DOCK3: variants seen among roughly 807,000 people sequenced by gnomAD.
The protein encoded by DOCK3 is dedicator of cytokinesis 3.
A neutral mutation model predicts 265.6 loss-of-function variants in DOCK3; 60 were observed. That is an observed-to-expected ratio of 0.23 (90% CI 0.18 to 0.28). DOCK3 has a LOEUF of 0.28. Ranked by LOEUF, DOCK3 falls within the 10% of genes least tolerant of loss-of-function variation. The pLI is 1.00. For missense variants in DOCK3, 1,981 were observed against 2,594.3 expected (o/e 0.76, Z 5.14); for synonymous variants, 881 against 938.0 (o/e 0.94, Z 1.11).
Position 50,735,937 on chromosome 3 carries a change from C to T in DOCK3, c.38-42738C>T, listed in dbSNP as rs112788474. Among the ~76,000 whole-genome samples the T allele has an allele frequency of 3.0e-4, 46 of 152,186 alleles. 2 individuals are homozygous for T. The highest frequency in any genetic ancestry group is 5.1e-4 in the Non-Finnish European group (35 of 68,016). ...TAATTATACTTTAAGTTCTAGGGTA[C>T]GTGTACACAACGTGCAGGTTTGTTA... On this transcript the variant is annotated intron_variant, in intron 1 of 52. Transcript: ENST00000266037.
chr3:51,104,982 T>C (rs1312327021), intron 9 of DOCK3, among the ~76,000 whole-genome samples: 2 of 152,010 alleles, frequency 1.3e-5, no homozygotes, highest in African/African-American at 4.8e-5. Context: ...TTCCTGAGGG[T>C]TAGGAAAAGT....
chr3:50,803,460 C>A (rs1455648688), intron 2 of DOCK3, among the ~76,000 whole-genome samples: 3 of 152,122 alleles, frequency 2.0e-5, no homozygotes, highest in Non-Finnish European at 4.4e-5. Flanking sequence ...ATGGAGTCTC[C>A]CATGTCTACT....
At chr3:51,345,326 T>G (rs1378800007) in intron 38 of DOCK3, among the ~76,000 whole-genome samples, 2 of 152,216 alleles carry the variant, frequency 1.3e-5, no homozygotes, top group Admixed American at 6.5e-5. Flanking sequence ...GAAATTCTGT[T>G]TGGCTGGGCA....
intron 49 of DOCK3, among the ~76,000 whole-genome samples, chr3:51,373,052 A>C (rs750130253): frequency 6.6e-6 from 1 of 152,238 alleles, no homozygotes; most frequent in Non-Finnish European, 1.5e-5. Flanking sequence ...ACTCAGACCA[A>C]CTGTGGAAAA....
chr3:51,031,971 A>G (rs2080067100), intron 5 of DOCK3, among the ~76,000 whole-genome samples: 1 of 152,224 alleles, frequency 6.6e-6, no homozygotes, highest in Non-Finnish European at 1.5e-5. Context: ...AGCTTCCAGA[A>G]TTGTGAAAAA....
At chr3:51,258,153 A>G (rs545661197) in intron 22 of DOCK3, among the ~76,000 whole-genome samples, 139 of 152,308 alleles carry the variant, frequency 9.1e-4, no homozygotes, top group African/African-American at 3.2e-3. Flanking sequence ...GAAACTGGTG[A>G]ATGTTTCATG....
chr3:51,098,251 T>G (rs953978774), intron 9 of DOCK3, among the ~76,000 whole-genome samples: 2 of 152,154 alleles, frequency 1.3e-5, no homozygotes, highest in African/African-American at 4.8e-5. Context: ...GAAATGGGGT[T>G]TCACCATGTT....
intron 1 of DOCK3, among the ~76,000 whole-genome samples, chr3:50,754,157 CAAA>C (rs71084110): frequency 6.5e-5 from 4 of 61,576 alleles, no homozygotes; most frequent in Non-Finnish European, 7.7e-5. Flanking sequence ...GACTCTGTCT[CAAA>C]AAAAAAAAAA....
At chr3:51,224,723 A>G (rs1393120525) in intron 14 of DOCK3, among the ~76,000 whole-genome samples, 1 of 149,530 alleles carries the variant, frequency 6.7e-6, no homozygotes, top group Non-Finnish European at 1.5e-5. Context: ...TGTTGCCCCC[A>G]CAGCGTTTTA....
At chr3:50,677,464 T>C (rs1368555466) in intron 1 of DOCK3, among the ~76,000 whole-genome samples, 1 of 152,234 alleles carries the variant, frequency 6.6e-6, no homozygotes, top group Non-Finnish European at 1.5e-5. Flanking sequence ...TTGATTGCTA[T>C]GAGGGCTAGC....
chr3:51,185,875 G>A (rs2087570387), intron 12 of DOCK3, among the ~76,000 whole-genome samples: 1 of 152,108 alleles, frequency 6.6e-6, no homozygotes, highest in Non-Finnish European at 1.5e-5. Flanking sequence ...TGATTGTGAG[G>A]CCTCCCCAGC....
chr3:51,089,777 C>T (rs1394658212), intron 8 of DOCK3, among the ~76,000 whole-genome samples: 1 of 151,120 alleles, frequency 6.6e-6, no homozygotes. Flanking sequence ...TGGTGGGTGC[C>T]TGTAATCCCA....
At chr3:51,159,327 A>G in intron 11 of DOCK3, 23 bp downstream of exon 11, 1 of 1,607,586 alleles carries the variant, frequency 6.2e-7, no homozygotes, top group Non-Finnish European at 8.5e-7. Context: ...TTACCCATTC[A>G]CATGACTAAG....
chr3:51,105,600 T>C (rs2083251277), intron 9 of DOCK3, among the ~76,000 whole-genome samples: 1 of 152,146 alleles, frequency 6.6e-6, no homozygotes, highest in East Asian at 1.9e-4. Flanking sequence ...AAGAATGAAG[T>C]ATTGATACAG....
rs547157870 is a variant in DOCK3, at chr3:50,921,829, C to A, written c.219-12152C>A. 2.0e-4 allele frequency among the ~76,000 whole-genome samples: 31 copies of A among 152,226 alleles called. No individual in the cohort carries two copies. The East Asian group carries it at 4.6e-3, about 23-fold the overall frequency. On this transcript the variant is annotated intron_variant, in intron 4 of 52. Coordinates refer to ENST00000266037, the MANE Select transcript of DOCK3 (RefSeq NM_004947.5). ...AGTTTGCTGGAGGTCCACTCCAGAC[C>A]CTGTTTGCCTGGGTATCACCAGCGG...
At chr3:50,808,526 C>T (rs910553011) in intron 2 of DOCK3, among the ~76,000 whole-genome samples, 1 of 152,136 alleles carries the variant, frequency 6.6e-6, no homozygotes, top group Non-Finnish European at 1.5e-5. Context: ...CAGAAATAGA[C>T]CCTGGAGAGC....
intron 12 of DOCK3, among the ~76,000 whole-genome samples, chr3:51,190,018 C>T (rs779788295): frequency 5.9e-5 from 9 of 152,284 alleles, no homozygotes; most frequent in Admixed American, 1.3e-4. Context: ...GCTTCACAAG[C>T]GCAAAGGCTT....
chr3:50,860,428 G>A (rs2046854911), intron 3 of DOCK3, among the ~76,000 whole-genome samples: 2 of 152,134 alleles, frequency 1.3e-5, no homozygotes, highest in African/African-American at 4.8e-5. Flanking sequence ...CCAGTGAGGA[G>A]ATATGGGAAC....
intron 1 of DOCK3, among the ~76,000 whole-genome samples, chr3:50,695,402 G>A (rs990585916): frequency 6.6e-6 from 1 of 152,208 alleles, no homozygotes; most frequent in South Asian, 2.1e-4. Flanking sequence ...AAAGAGGGTA[G>A]AATGCACAAA....
Sources: allele counts gnomAD v4.1 joint callset (sites outside exome capture counted in the v4.1 genomes callset), GRCh38; gene constraint gnomAD v4.1.1; transcripts MANE v1.5; gene names NCBI Gene and HGNC (gene_info 2026-07-23, HGNC 2026-07-21).